RANBP9: variants seen among roughly 807,000 people sequenced by gnomAD.
RANBP9 encodes ran-binding protein 9.
Under a neutral mutation model 84.3 loss-of-function variants are expected in RANBP9, and 15 were observed. That is an observed-to-expected ratio of 0.18 (90% CI 0.12 to 0.27). RANBP9 has a LOEUF of 0.27. Among genes scored for constraint, RANBP9 ranks in the 10% least tolerant of loss-of-function variants. The pLI is 1.00. For missense variants in RANBP9, 809 were observed against 912.8 expected, an observed-to-expected ratio of 0.89 and a Z score of 1.46; for synonymous variants, 392 against 349.6, an observed-to-expected ratio of 1.12 and a Z score of -1.35.
At chr6:13,629,744 C>T (rs1764721399) in intron 12 of RANBP9, among the ~76,000 whole-genome samples, 1 of 152,042 alleles carries the variant, frequency 6.6e-6, no homozygotes, top group Non-Finnish European at 1.5e-5. Flanking sequence ...TTGGGAGCCA[C>T]TGGAAGACGT....
At chr6:13,649,944 C>T (rs560822738) in intron 5 of RANBP9, among the ~76,000 whole-genome samples, 1 of 152,250 alleles carries the variant, frequency 6.6e-6, no homozygotes, top group East Asian at 1.9e-4. Flanking sequence ...AGATCCAATC[C>T]ATTAGCCAAT....
At chr6:13,685,822 G>C (rs1766161384) in intron 2 of RANBP9, among the ~76,000 whole-genome samples, 2 of 151,662 alleles carry the variant, frequency 1.3e-5, no homozygotes, top group Non-Finnish European at 2.9e-5. Flanking sequence ...CAGCTAATGG[G>C]AGGGAGGCTG....
chr6:13,667,639 T>C (rs1168224737), intron 2 of RANBP9, among the ~76,000 whole-genome samples: 2 of 152,152 alleles, frequency 1.3e-5, no homozygotes, highest in Admixed American at 6.5e-5. Context: ...TGTATTTAGA[T>C]ACACAAAACC....
At chr6:13,644,847 A>G (rs1765145948) in intron 5 of RANBP9, 118 bp from the exon 6 acceptor site, 1 of 865,252 alleles carries the variant, frequency 1.2e-6, no homozygotes, top group East Asian at 3.0e-5. Flanking sequence ...TAAAATCCCA[A>G]TCAAAATATT....
intron 2 of RANBP9, among the ~76,000 whole-genome samples, chr6:13,678,936 A>T (rs919998402): frequency 6.6e-6 from 1 of 152,210 alleles, no homozygotes; most frequent in Non-Finnish European, 1.5e-5. Flanking sequence ...AAAATATTGC[A>T]AAGTGAAATA....
rs754991323 is a variant in RANBP9, at chr6:13,644,615, T to C, written c.1042A>G (p.Lys348Glu). 1.9e-6 allele frequency: 3 copies of C among 1,613,778 alleles called. No individual in the cohort carries two copies. The highest frequency in any genetic ancestry group is 1.7e-6 in the Non-Finnish European group (2 of 1,179,808). The change falls in exon 6 of 14, where the codon AAA becomes GAA. Residue 348 changes from lysine (K) to glutamate (E), a missense_variant. This residue lies in a region of RANBP9 where 216 missense variants were observed against 329.0 expected (regional missense o/e 0.66). Coordinates refer to ENST00000011619, the MANE Select transcript of RANBP9 (RefSeq NM_005493.3). ...AATCGATCTATCTGTGCCTGGATTT[T>C]GGTTCTCCACTCCCGCATATAGTCT... ...IEDYMREWRT[K>E]IQAQIDRFPI... is the part of the protein sequence containing the mutation.
At chr6:13,690,174 T>A (rs768359303) in intron 2 of RANBP9, among the ~76,000 whole-genome samples, 3 of 152,228 alleles carry the variant, frequency 2.0e-5, no homozygotes, top group African/African-American at 7.2e-5. Flanking sequence ...ACTGTATTAA[T>A]TGAGTTTCTA....
chr6:13,683,697 A>G (rs919826875), intron 2 of RANBP9, among the ~76,000 whole-genome samples: 2 of 151,522 alleles, frequency 1.3e-5, no homozygotes, highest in Non-Finnish European at 1.5e-5. Flanking sequence ...TTTTTTTTCT[A>G]TTTCACAGGA....
chr6:13,625,155 T>C (rs1764566158), intron 13 of RANBP9, among the ~76,000 whole-genome samples: 1 of 152,234 alleles, frequency 6.6e-6, no homozygotes, highest in Non-Finnish European at 1.5e-5. Flanking sequence ...TGTTCCCTTC[T>C]AGCCTAACTC....
intron 5 of RANBP9, among the ~76,000 whole-genome samples, chr6:13,646,668 TTC>T (rs1765181438): frequency 6.6e-6 from 1 of 152,206 alleles, no homozygotes; most frequent in African/African-American, 2.4e-5. Context: ...CATTCATGAA[TTC>T]TCTGATAAAA....
chr6:13,663,086 T>C (rs1048928959), intron 2 of RANBP9, among the ~76,000 whole-genome samples: 5 of 151,860 alleles, frequency 3.3e-5, no homozygotes, highest in African/African-American at 1.2e-4. Context: ...CAAACATTAA[T>C]TAAATAAAAA....
At chr6:13,700,778 C>G (rs1757948922) in intron 1 of RANBP9, among the ~76,000 whole-genome samples, 1 of 152,182 alleles carries the variant, frequency 6.6e-6, no homozygotes, top group Admixed American at 6.5e-5. Flanking sequence ...ACCAAGCCAC[C>G]TGTAATATCG....
In RANBP9 at chr6:13,622,269, A is replaced by AT; in HGVS notation, c.*92dup. ...GACAAAAACCTGTCCCCAGTACATAATTTAAAAAATCTAAATTTCAAATCA... is the reference window on the plus strand; with the variant it reads ...GACAAAAACCTGTCCCCAGTACATAATTTTAAAAAATCTAAATTTCAAATCA... On this transcript the variant is annotated 3_prime_UTR_variant, in exon 14 of 14. Coordinates refer to ENST00000011619, the MANE Select transcript of RANBP9 (RefSeq NM_005493.3). The AT allele has an allele frequency of 7.7e-7, 1 of 1,291,478 alleles. No individual in the cohort carries two copies. Among genetic ancestry groups the AT allele is most frequent in the African/African-American group, 1.5e-5 (1 of 66,298 alleles). 80.0% of individuals were successfully genotyped at this position (1,291,478 alleles called of 1,614,324 possible).
rs147970337 is a variant in RANBP9, at chr6:13,690,580, T to C, written c.683+6205A>G. ...AGAGACTGAATTACTTGCCAGTTCT[T>C]ACTGAAACACTGTCAAAGAGTGGCA... On this transcript the variant is annotated intron_variant, in intron 2 of 13. Transcript: ENST00000011619. Among the ~76,000 whole-genome samples the C allele has an allele frequency of 6.5e-3, 991 of 152,282 alleles. 10 individuals carry two copies. The highest frequency in any genetic ancestry group is 0.022 in the African/African-American group (922 of 41,546).
chr6:13,648,058 A>G (rs780869635), intron 5 of RANBP9, among the ~76,000 whole-genome samples: 1 of 151,294 alleles, frequency 6.6e-6, no homozygotes, highest in Non-Finnish European at 1.5e-5. Context: ...GCAACCACTA[A>G]TCTACTTTCT....
In RANBP9 at chr6:13,622,052, AAAG is replaced by A. The variant is rs1249175473; in HGVS notation, c.*307_*309del. ...TTCCCCTCTCTCCCCCCTCCCCCACAAAGAAGGCAGGATTTTTGGTTTCTTTTA... is the reference window on the plus strand; with the variant it reads ...TTCCCCTCTCTCCCCCCTCCCCCACAAAGGCAGGATTTTTGGTTTCTTTTA... On this transcript the variant is annotated 3_prime_UTR_variant, in exon 14 of 14. Coordinates refer to ENST00000011619, the MANE Select transcript of RANBP9 (RefSeq NM_005493.3). The A allele has an allele frequency of 1.2e-5, 2 of 165,842 alleles. No individual in the cohort carries two copies. Among genetic ancestry groups the A allele is most frequent in the Non-Finnish European group, 1.3e-5 (1 of 77,446 alleles). 10.3% of individuals were successfully genotyped at this position (165,842 alleles called of 1,614,324 possible).
At chr6:13,640,319 C>A (rs1765035212) in intron 8 of RANBP9, among the ~76,000 whole-genome samples, 2 of 151,804 alleles carry the variant, frequency 1.3e-5, no homozygotes, top group South Asian at 4.2e-4. Flanking sequence ...TTCATAAAAC[C>A]AATTAAAATT....
intron 1 of RANBP9, among the ~76,000 whole-genome samples, chr6:13,702,079 G>A (rs1188371092): frequency 3.3e-5 from 5 of 152,182 alleles, no homozygotes. Context: ...CAAATTCTAT[G>A]CCTCCGTGCT....
intron 5 of RANBP9, among the ~76,000 whole-genome samples, chr6:13,647,204 A>T (rs577713855): frequency 9.2e-5 from 14 of 152,288 alleles, no homozygotes; most frequent in African/African-American, 2.9e-4. Flanking sequence ...GTCTTGTAGC[A>T]TTATTTGTAA....
Sources: gnomAD v4.1 joint callset for allele counts (sites outside exome capture counted in the v4.1 genomes callset) on GRCh38, gnomAD v4.1.1 for gene constraint, gnomAD v4.1.1 regional missense constraint, MANE v1.5 for transcripts, NCBI Gene and HGNC (gene_info 2026-07-23, HGNC 2026-07-21) for gene names.